NPHP1: variants seen among roughly 807,000 people sequenced by gnomAD.
The protein encoded by NPHP1 is nephrocystin 1, also known as nephrocystin-1.
In NPHP1, 70 loss-of-function variants were observed where a neutral mutation model predicts 90.4. The observed-to-expected ratio is 0.77, with a 90% CI of 0.64 to 0.95. NPHP1 has a LOEUF of 0.95. NPHP1 is among the 40% of genes least tolerant of loss of function. The probability of loss-of-function intolerance (pLI) is 0.00; values close to 1 mark genes in which losing one functional copy is unlikely to be tolerated. For synonymous variants in NPHP1, 256 were observed against 271.7 expected (o/e 0.94, Z 0.57); for missense variants, 764 against 795.9 (o/e 0.96, Z 0.48).
intron 11 of NPHP1, 88 bp downstream of exon 11, chr2:110,160,039 A>G: frequency 7.1e-7 from 1 of 1,399,452 alleles, no homozygotes; most frequent in Non-Finnish European, 1.0e-6. Flanking sequence ...CTCTCTTGGG[A>G]ATTGGGGAGG....
rs138475691 is a variant in NPHP1, at chr2:110,156,470, C to T, written c.1083+3657G>A. 1.1e-3 allele frequency among the ~76,000 whole-genome samples: 171 copies of T among 151,768 alleles called. 2 individuals are homozygous for T. In the South Asian group the frequency reaches 0.015, roughly 13 times the overall value. ...TTCTTGGGTATGTCTTTATCAGCAG[C>T]GTGAGAACAAACTAATACAGGAAGA... On this transcript the variant is annotated intron_variant, in intron 11 of 19. Coordinates refer to ENST00000445609, the MANE Select transcript of NPHP1 (RefSeq NM_001128178.3).
chr2:110,171,421 C>T (rs554799765), intron 4 of NPHP1, among the ~76,000 whole-genome samples: 2 of 152,068 alleles, frequency 1.3e-5, no homozygotes, highest in Non-Finnish European at 2.9e-5. Flanking sequence ...AACTATAAAA[C>T]TAGTCAACTA....
chr2:110,201,379 AG>A, intron 2 of NPHP1, 41 bp downstream of exon 2: 2 of 1,228,818 alleles, frequency 1.6e-6, no homozygotes, highest in Non-Finnish European at 2.4e-6. Flanking sequence ...TTGAAATGTA[AG>A]TGCGGTTCCT....
intron 1 of NPHP1, 83 bp downstream of exon 1, chr2:110,204,816 TG>T: frequency 7.1e-7 from 1 of 1,403,008 alleles, no homozygotes. Context: ...CAGGATTAGG[TG>T]GGGTCACGGT....
intron 16 of NPHP1, among the ~76,000 whole-genome samples, chr2:110,142,079 C>T (rs1288537258): frequency 1.3e-5 from 2 of 151,876 alleles, no homozygotes; most frequent in East Asian, 3.9e-4. Flanking sequence ...GGTATTTATA[C>T]CCATGAGAGA....
Position 110,143,874 on chromosome 2 carries a change from T to C in NPHP1, c.1430-233A>G, listed in dbSNP as rs559284852. ...TGCCAGATTACAAAGGAAAACAGCA[T>C]GTCTGACTCCAGGTAGAACCAACTG... On this transcript the variant is annotated intron_variant, in intron 15 of 19. Transcript: ENST00000445609. 2.2e-5 allele frequency: 11 copies of C among 494,262 alleles called. No individual in the cohort carries two copies. In the East Asian group the frequency reaches 4.2e-4, roughly 19 times the overall value. 30.6% of individuals were successfully genotyped at this position (494,262 alleles called of 1,614,324 possible). A position where few individuals can be genotyped will look rare whatever the true frequency, so the allele number is the denominator to read the frequency against.
At chr2:110,189,924 A>T (rs531262422) in intron 2 of NPHP1, among the ~76,000 whole-genome samples, 2 of 152,060 alleles carry the variant, frequency 1.3e-5, no homozygotes, top group African/African-American at 4.8e-5. Flanking sequence ...CTAGATACAG[A>T]GTGCCGATTG....
At chr2:110,125,578 A>C in intron 19 of NPHP1, 59 bp downstream of exon 19, 2 of 1,443,598 alleles carry the variant, frequency 1.4e-6, no homozygotes, top group Non-Finnish European at 2.0e-6. Context: ...TGATTAGAAT[A>C]GGCAAGCAAA....
At chr2:110,144,372 CAT>C in intron 15 of NPHP1, 119 bp downstream of exon 15, 1 of 679,286 alleles carries the variant, frequency 1.5e-6, no homozygotes, top group Non-Finnish European at 2.6e-6. Context: ...TATCAAATGA[CAT>C]ATTTTTAAAA....
In NPHP1 at chr2:110,178,529, C is replaced by G. The variant is rs760772706; in HGVS notation, c.223G>C (p.Val75Leu). ...TCTTTTCTCTGATTATAGTTTGCAA[C>G]AGGTGCAGATTCATCAGCCTATGAG... ...KLSKADESAP[V>L]ANYNQRKEEE... Residue 75 changes from valine to leucine, a missense_variant, in exon 4 of 20, where the codon GTT becomes CTT. Val to Leu is a conservative substitution (Grantham distance 32). Coordinates refer to ENST00000445609, the MANE Select transcript of NPHP1 (RefSeq NM_001128178.3). 3.7e-6 allele frequency: 6 copies of G among 1,613,674 alleles called. No homozygotes were observed. Among genetic ancestry groups the G allele is most frequent in the Non-Finnish European group, 5.1e-6 (6 of 1,179,748 alleles).
chr2:110,131,557 C>A (rs1283658646), intron 17 of NPHP1, 122 bp downstream of exon 17: 1 of 701,870 alleles, frequency 1.4e-6, no homozygotes. Flanking sequence ...AACATCAATG[C>A]TGTTCTAAAT....
chr2:110,196,181 G>A (rs1393082905), intron 2 of NPHP1, among the ~76,000 whole-genome samples: 2 of 152,162 alleles, frequency 1.3e-5, no homozygotes, highest in South Asian at 2.1e-4. Flanking sequence ...AAGAGCTTCT[G>A]CACAGCAAAA....
intron 2 of NPHP1, among the ~76,000 whole-genome samples, chr2:110,187,664 ATTG>A (rs1684390513): frequency 5.3e-5 from 8 of 152,220 alleles, no homozygotes; most frequent in Admixed American, 2.6e-4. Flanking sequence ...TCCCTAACTG[ATTG>A]TATCCAGCAT....
chr2:110,135,696 C>A (rs1476435839), intron 16 of NPHP1, among the ~76,000 whole-genome samples: 1 of 151,944 alleles, frequency 6.6e-6, no homozygotes, highest in African/African-American at 2.4e-5. Context: ...ATCTCAAAAA[C>A]CTTACAAATG....
intron 5 of NPHP1, 67 bp downstream of exon 5, chr2:110,169,737 CAG>C: frequency 2.9e-6 from 3 of 1,028,466 alleles, no homozygotes; most frequent in South Asian, 1.3e-5. Flanking sequence ...GGTGTACAGG[CAG>C]AGTTTTCTTA....
chr2:110,183,278 T>C lies in NPHP1; in HGVS notation c.144-3594A>G, dbSNP rs570994870. ...TACCAGAATGAGGGAAAGGAACACC[T>C]GGCCCACCCAGGGCGGAAAACTGCT... On this transcript the variant is annotated intron_variant, in intron 2 of 19. Coordinates refer to ENST00000445609, the MANE Select transcript of NPHP1 (RefSeq NM_001128178.3). Among the ~76,000 whole-genome samples, 172 of 152,292 alleles carry C rather than the reference T, an allele frequency of 1.1e-3. 3 individuals are homozygous for C. Among genetic ancestry groups the C allele is most frequent in the African/African-American group, 4.0e-3 (166 of 41,548 alleles).
Position 110,123,761 on chromosome 2 carries a change from T to C in NPHP1, c.*30A>G. The C allele has an allele frequency of 6.2e-7, 1 of 1,611,240 alleles. No homozygotes were observed. Among genetic ancestry groups the C allele is most frequent in the South Asian group, 1.1e-5 (1 of 90,976 alleles). On this transcript the variant is annotated 3_prime_UTR_variant, in exon 20 of 20. Transcript: ENST00000445609. Reference sequence around the variant, plus strand: ...ATCGTGGAGGATCCATCTGATTCCGTGGGAAGCTGAGGGCTAGAGGCTGCC... The same window carrying C: ...ATCGTGGAGGATCCATCTGATTCCGCGGGAAGCTGAGGGCTAGAGGCTGCC...
At chr2:110,194,112 G>A (rs1370197630) in intron 2 of NPHP1, among the ~76,000 whole-genome samples, 1 of 152,024 alleles carries the variant, frequency 6.6e-6, no homozygotes, top group Non-Finnish European at 1.5e-5. Flanking sequence ...AGAACCAAGA[G>A]CAAACACATT....
intron 11 of NPHP1, among the ~76,000 whole-genome samples, chr2:110,152,165 G>T (rs73954621): frequency 0.025 from 3,753 of 152,160 alleles, 160 homozygotes; most frequent in African/African-American, 0.086. Context: ...CATTAAAAAC[G>T]CAAGAGGGGC....
Sources: allele counts gnomAD v4.1 joint callset (sites outside exome capture counted in the v4.1 genomes callset), GRCh38; gene constraint gnomAD v4.1.1; transcripts MANE v1.5; gene names NCBI Gene and HGNC (gene_info 2026-07-23, HGNC 2026-07-21).